The following ZNF723 variants were observed in gnomAD, a reference collection of about 807,000 sequenced individuals.
ZNF723 encodes the protein zinc finger protein 723, pseudogene.
A neutral mutation model predicts 9.4 loss-of-function variants in ZNF723; 5 were observed. The observed-to-expected ratio is 0.53, with a 90% confidence interval of 0.28 to 1.12. ZNF723 has a LOEUF of 1.12. ZNF723 is among the 50% of genes most tolerant of loss of function. The pLI is 0.10. For synonymous variants in ZNF723, 158 were observed against 168.8 expected (o/e 0.94, Z 0.49); for missense variants, 450 against 501.5 (o/e 0.90, Z 0.98).
chr19:22,816,402 A>G, the ZNF723 span, among the ~76,000 whole-genome samples: 1 of 152,226 alleles, frequency 6.6e-6, no homozygotes, highest in Non-Finnish European at 1.5e-5. Context: ...TGAGGCATTG[A>G]CTTCACTAAA....
chr19:22,839,978 T>C (rs1338993591), intron 1 of ZNF723, among the ~76,000 whole-genome samples: 1 of 150,686 alleles, frequency 6.6e-6, no homozygotes, highest in Non-Finnish European at 1.5e-5. Context: ...TGTTTTTCCT[T>C]GTAAATTTAT....
rs114586143 is a variant in ZNF723, at chr19:22,858,593, G to A, written c.*160G>A. The A allele has an allele frequency of 5.5e-3, 2,581 of 472,380 alleles. 51 individuals carry two copies. The highest frequency in any genetic ancestry group is 0.046 in the African/African-American group (2,327 of 50,246). The allele number at this position is 472,380 out of a possible 1,614,324, so 29.3% of individuals were successfully genotyped here. On this transcript the variant is annotated 3_prime_UTR_variant, in exon 4 of 4. Transcript: ENST00000600766. Reference sequence around the variant, plus strand: ...GACCAACCTAACATGGTGAAACAACGTCTCTACTAAAATACAAAAAAAATT... The same window carrying A: ...GACCAACCTAACATGGTGAAACAACATCTCTACTAAAATACAAAAAAAATT...
upstream of ZNF723, among the ~76,000 whole-genome samples, chr19:22,831,101 C>T (rs1218950896): frequency 6.6e-6 from 1 of 152,102 alleles, no homozygotes; most frequent in Non-Finnish European, 1.5e-5. Context: ...ATGCCCATTG[C>T]CAGATGCTTT....
At chr19:22,834,454 T>C (rs970163299) in intron 1 of ZNF723, among the ~76,000 whole-genome samples, 6 of 152,032 alleles carry the variant, frequency 3.9e-5, no homozygotes, top group Non-Finnish European at 5.9e-5. Context: ...GGAAACTTTA[T>C]GGGGTTTTGT....
chr19:22,844,483 T>TA (rs1250132497), intron 1 of ZNF723, among the ~76,000 whole-genome samples: 17 of 152,328 alleles, frequency 1.1e-4, no homozygotes, highest in Non-Finnish European at 2.4e-4. Context: ...CGCAGTGTGT[T>TA]ATGAGGATTA....
In ZNF723 at chr19:22,858,602, A is replaced by G. The variant is rs1967519793; in HGVS notation, c.*169A>G. Reference sequence around the variant, plus strand: ...AACATGGTGAAACAACGTCTCTACTAAAATACAAAAAAAATTAGCCGGGTG... The same window carrying G: ...AACATGGTGAAACAACGTCTCTACTGAAATACAAAAAAAATTAGCCGGGTG... On this transcript the variant is annotated 3_prime_UTR_variant, in exon 4 of 4. Transcript: ENST00000600766. 2.2e-6 allele frequency: 1 copy of G among 447,320 alleles called. No individual in the cohort carries two copies. Among genetic ancestry groups the G allele is most frequent in the Non-Finnish European group, 3.9e-6 (1 of 257,402 alleles). The allele number at this position is 447,320 out of a possible 1,614,324, so 27.7% of individuals were successfully genotyped here. A position where few individuals can be genotyped will look rare whatever the true frequency, so the allele number is the denominator to read the frequency against.
intron 3 of ZNF723, among the ~76,000 whole-genome samples, chr19:22,850,978 C>T (rs1268850401): frequency 6.6e-6 from 1 of 151,766 alleles, no homozygotes; most frequent in Non-Finnish European, 1.5e-5. Context: ...AAACCTATAT[C>T]TTTATATTTT....
chr19:22,847,232 T>C (rs1440818953), intron 1 of ZNF723, among the ~76,000 whole-genome samples: 1 of 150,746 alleles, frequency 6.6e-6, no homozygotes, highest in African/African-American at 2.5e-5. Context: ...CCCACCGCCA[T>C]GCCAGACTAA....
intron 1 of ZNF723, among the ~76,000 whole-genome samples, chr19:22,845,237 A>G (rs1158295733): frequency 6.6e-6 from 1 of 152,224 alleles, no homozygotes; most frequent in Non-Finnish European, 1.5e-5. Context: ...GACAATGCTT[A>G]GCTAAGTGGT....
the ZNF723 span, among the ~76,000 whole-genome samples, chr19:22,812,266 C>T: frequency 1.3e-4 from 20 of 152,126 alleles, no homozygotes; most frequent in African/African-American, 2.4e-4. Context: ...CCACCTCACC[C>T]GGCCAACATG....
At chr19:22,817,930 GGATT>G in the ZNF723 span, among the ~76,000 whole-genome samples, 3 of 151,928 alleles carry the variant, frequency 2.0e-5, no homozygotes, top group African/African-American at 7.3e-5. Context: ...CCAACCATTA[GGATT>G]GATACTCTCA....
the ZNF723 span, among the ~76,000 whole-genome samples, chr19:22,826,237 T>C: frequency 6.6e-6 from 1 of 152,202 alleles, no homozygotes; most frequent in Non-Finnish European, 1.5e-5. Context: ...ATATTTCTGG[T>C]CCAGTGCCCA....
Position 22,858,207 on chromosome 19 carries a change from C to T in ZNF723, c.1316C>T (p.Thr439Ile). The T allele has an allele frequency of 4.4e-6, 6 of 1,358,090 alleles. No individual in the cohort carries two copies. The highest frequency in any genetic ancestry group is 6.3e-6 in the Non-Finnish European group (6 of 956,980). 84.1% of individuals were successfully genotyped at this position (1,358,090 alleles called of 1,614,324 possible). The change falls in exon 4 of 4, where the codon ACC becomes ATC. Residue 439 changes from threonine to isoleucine, a missense_variant. Thr to Ile is a moderately conservative substitution (Grantham distance 89). This residue lies in a region of ZNF723 where 237 missense variants were observed against 332.2 expected (regional missense o/e 0.71). Coordinates refer to ENST00000600766, the MANE Select transcript of ZNF723 (RefSeq NM_001349726.2). ...QCGKGFSQSS[T>I]LTKHKIIHTK... ...GGTAAAGGTTTTAGCCAATCCTCAA[C>T]CCTTACTAAACATAAGATAATTCAT...
chr19:22,817,364 A>G, the ZNF723 span, among the ~76,000 whole-genome samples: 1 of 152,170 alleles, frequency 6.6e-6, no homozygotes, highest in Non-Finnish European at 1.5e-5. Context: ...GCTCCTGCCT[A>G]GGCTATGCCT....
chr19:22,821,707 T>C, the ZNF723 span, among the ~76,000 whole-genome samples: 1 of 152,234 alleles, frequency 6.6e-6, no homozygotes, highest in Non-Finnish European at 1.5e-5. Context: ...CAAGCTTATA[T>C]GGGAACCCAG....
At chr19:22,819,241 T>A in the ZNF723 span, among the ~76,000 whole-genome samples, 1 of 152,228 alleles carries the variant, frequency 6.6e-6, no homozygotes, top group Non-Finnish European at 1.5e-5. Context: ...GACTTATCTC[T>A]GTGTCCATCA....
chr19:22,844,691 A>G (rs1967286039), intron 1 of ZNF723, among the ~76,000 whole-genome samples: 1 of 152,226 alleles, frequency 6.6e-6, no homozygotes, highest in South Asian at 2.1e-4. Context: ...GAGATTAGTT[A>G]TCTTCATTTG....
chr19:22,817,592 A>G, the ZNF723 span, among the ~76,000 whole-genome samples: 1 of 151,900 alleles, frequency 6.6e-6, no homozygotes, highest in Non-Finnish European at 1.5e-5. Flanking sequence ...CCCTGCCTTT[A>G]GGAAGAATTG....
intron 1 of ZNF723, 90 bp downstream of exon 1, chr19:22,832,472 C>A: frequency 8.1e-7 from 1 of 1,235,750 alleles, no homozygotes; most frequent in Non-Finnish European, 1.2e-6. Context: ...GGCCTCCCTG[C>A]TGTCAGCCCC....
Sources: allele counts gnomAD v4.1 joint callset (sites outside exome capture counted in the v4.1 genomes callset), GRCh38; gene constraint gnomAD v4.1.1; regional missense constraint gnomAD v4.1.1; transcripts MANE v1.5; gene names NCBI Gene and HGNC (gene_info 2026-07-23, HGNC 2026-07-21).